GLRA2: variants seen among roughly 807,000 people sequenced by gnomAD.
GLRA2 encodes glycine receptor alpha 2.
A neutral mutation model predicts 31.6 loss-of-function variants in GLRA2; 11 were observed. The ratio of observed to expected loss-of-function variants is 0.35; its 90% CI spans 0.22 to 0.58. The LOEUF is 0.58. Ranked by LOEUF, GLRA2 falls within the 20% of genes least tolerant of loss-of-function variation. The pLI, the probability that GLRA2 is intolerant of heterozygous loss-of-function variation, is 0.84. For synonymous variants in GLRA2, 132 were observed against 134.0 expected (o/e 0.99, Z 0.10); for missense variants, 212 against 351.8 (o/e 0.60, Z 3.18).
chrX:14,552,473 G>A (rs966354111), intron 2 of GLRA2, among the ~76,000 whole-genome samples: 1 of 112,478 alleles, frequency 8.9e-6, no homozygotes, highest in Non-Finnish European at 1.9e-5. Context: ...AGAAGCTAAT[G>A]TTCAGAATCC....
intron 4 of GLRA2, among the ~76,000 whole-genome samples, chrX:14,602,985 T>C (rs956367940): frequency 1.8e-5 from 2 of 111,555 alleles, no homozygotes; most frequent in African/African-American, 6.5e-5. Context: ...TACTTTTCTT[T>C]CTTTAAGGGA....
At chrX:14,717,703 T>C (rs1388336690) in intron 8 of GLRA2, among the ~76,000 whole-genome samples, 2 of 102,218 alleles carry the variant, frequency 2.0e-5, no homozygotes, top group Non-Finnish European at 3.9e-5. Context: ...TTAGATGAGC[T>C]TGGATTTACT....
Position 14,690,839 on chromosome X carries a change from A to G in GLRA2, c.1060A>G (p.Arg354Gly). 1 of 1,209,331 alleles carries G rather than the reference A, an allele frequency of 8.3e-7. No homozygotes were observed. The highest frequency in any genetic ancestry group is 1.1e-6 in the Non-Finnish European group (1 of 893,349). ...CAAGGAGTTCCTGCGCCTCCGAAGA[A>G]GACAGAAGAGGCAGAATAAGGTATG... is the stretch of plus-strand genomic sequence containing the variant. Reference protein sequence around the residue: ...QHKEFLRLRRRQKRQNKEEDV... With the variant: ...QHKEFLRLRRGQKRQNKEEDV... Residue 354 changes from arginine (R) to glycine (G), a missense_variant, in exon 8 of 9, where the codon AGA becomes GGA. By Grantham distance (125) the Arg-to-Gly change is moderately radical. Around this residue, in one of 5 missense-constraint regions of GLRA2, gnomAD observed 25 missense variants for 20.8 expected, o/e 1.20. Transcript: ENST00000218075.
At chrX:14,487,119 AAC>A in the GLRA2 span, among the ~76,000 whole-genome samples, 2 of 110,476 alleles carry the variant, frequency 1.8e-5, no homozygotes, top group Admixed American at 9.7e-5. Flanking sequence ...TTTAATAAAA[AAC>A]ACAGCAATGA....
upstream of GLRA2, among the ~76,000 whole-genome samples, chrX:14,527,996 G>C (rs1385460403): frequency 8.9e-6 from 1 of 112,357 alleles, no homozygotes; most frequent in Non-Finnish European, 1.9e-5. Context: ...TTGAAGAATT[G>C]ATTTTGTATG....
At chrX:14,452,415 T>G in the GLRA2 span, among the ~76,000 whole-genome samples, 1 of 112,775 alleles carries the variant, frequency 8.9e-6, no homozygotes, top group Non-Finnish European at 1.9e-5. Flanking sequence ...TCATTCTGCC[T>G]TCTACATAAC....
At chrX:14,557,277 G>A (rs1388127927) in intron 2 of GLRA2, among the ~76,000 whole-genome samples, 2 of 107,720 alleles carry the variant, frequency 1.9e-5, no homozygotes, top group South Asian at 8.4e-4. Context: ...CACCACGCCC[G>A]GCTAATTTTT....
rs1352739593 is a variant in GLRA2 at position 14,604,588 on chromosome X, GTGTGTC to G, written c.577+192_577+197del. Among the ~76,000 whole-genome samples, 10 of 91,660 alleles carry G rather than the reference GTGTGTC, an allele frequency of 1.1e-4. No homozygotes were observed. In the East Asian group the frequency reaches 1.8e-3, roughly 17 times the overall value. 79.6% of individuals were successfully genotyped at this position (91,660 alleles called of 115,157 possible). On this transcript the variant is annotated intron_variant, in intron 5 of 8. Transcript: ENST00000218075. The stretch of plus-strand genomic sequence containing the variant: ...TGTGTGTGTGTGTGTGTGTGTGTGT[GTGTGTC>G]ATACAAAATCTCATTATCAATACAG...
rs1167857968 is a variant in GLRA2 at position 14,583,367 on chromosome X, G to A, written c.494+1961G>A. 2.6e-4 allele frequency among the ~76,000 whole-genome samples: 29 copies of A among 112,710 alleles called. 1 individual carries two copies. The Admixed American group carries it at 2.6e-3, about 10-fold the overall frequency. On this transcript the variant is annotated intron_variant, in intron 4 of 8. Transcript: ENST00000218075. ...ACCATAAAGACACATGCACGTGTAT[G>A]TATGCTCATTGCAGCACTATTCACA...
At chrX:14,624,453 A>G (rs750447902) in intron 7 of GLRA2, among the ~76,000 whole-genome samples, 6 of 111,443 alleles carry the variant, frequency 5.4e-5, no homozygotes, top group African/African-American at 1.6e-4. Context: ...TAGGTTGTCA[A>G]TTTTAGATCT....
At chrX:14,676,739 G>C in intron 7 of GLRA2, among the ~76,000 whole-genome samples, 1 of 112,001 alleles carries the variant, frequency 8.9e-6, no homozygotes, top group East Asian at 2.8e-4. Flanking sequence ...AAACAGTACA[G>C]TGTCTGAACA....
chrX:14,691,353 TCTGA>T (rs2091358496), intron 8 of GLRA2, among the ~76,000 whole-genome samples: 1 of 108,609 alleles, frequency 9.2e-6, no homozygotes, highest in Non-Finnish European at 1.9e-5. Flanking sequence ...ACATCACTGA[TCTGA>T]TTGACTTTTT....
chrX:14,555,581 G>A (rs188574475), intron 2 of GLRA2, among the ~76,000 whole-genome samples: 7 of 111,941 alleles, frequency 6.3e-5, no homozygotes, highest in African/African-American at 2.3e-4. Context: ...GAAGCATGTA[G>A]CAGTGTTTCT....
At chrX:14,667,041 A>T (rs185881346) in intron 7 of GLRA2, among the ~76,000 whole-genome samples, 63 of 112,520 alleles carry the variant, frequency 5.6e-4, no homozygotes, top group Admixed American at 5.5e-3. Context: ...ACACACAAGG[A>T]ACAGTCTACG....
At chrX:14,650,034 A>C (rs1014941033) in intron 7 of GLRA2, among the ~76,000 whole-genome samples, 6 of 112,053 alleles carry the variant, frequency 5.4e-5, no homozygotes, top group Non-Finnish European at 1.1e-4. Flanking sequence ...TAATAGGAAT[A>C]TTTTAGTTTC....
At chrX:14,591,585 G>C (rs374964680) in intron 4 of GLRA2, among the ~76,000 whole-genome samples, 1 of 111,985 alleles carries the variant, frequency 8.9e-6, no homozygotes, top group Non-Finnish European at 1.9e-5. Context: ...TAGATGATGT[G>C]CCTAGCCAGA....
chrX:14,674,061 T>G (rs2091120085), intron 7 of GLRA2, among the ~76,000 whole-genome samples: 1 of 112,342 alleles, frequency 8.9e-6, no homozygotes, highest in Admixed American at 9.4e-5. Flanking sequence ...CAAGCCAGAT[T>G]TAATGCAAAT....
chrX:14,551,435 G>A lies in GLRA2; in HGVS notation c.202+19063G>A, dbSNP rs1487097609. ...ATGATTTCTCTCCAATCACCCAACA[G>A]CTTTCTGCTTGGGATGTATTGGAAC... On this transcript the variant is annotated intron_variant, in intron 2 of 8. Transcript: ENST00000218075. 2.7e-5 allele frequency among the ~76,000 whole-genome samples: 3 copies of A among 111,067 alleles called. No individual in the cohort carries two copies. The South Asian group carries it at 1.2e-3, about 43-fold the overall frequency.
chrX:14,509,496 T>C, the GLRA2 span, among the ~76,000 whole-genome samples: 12 of 112,714 alleles, frequency 1.1e-4, no homozygotes, highest in Non-Finnish European at 1.9e-4. Flanking sequence ...GACTTTGTTA[T>C]ATTGAGGAAG....
Sources: allele counts gnomAD v4.1 joint callset (sites outside exome capture counted in the v4.1 genomes callset), GRCh38; gene constraint gnomAD v4.1.1; regional missense constraint gnomAD v4.1.1; transcripts MANE v1.5; gene names NCBI Gene and HGNC (gene_info 2026-07-23, HGNC 2026-07-21).